CSMD1: variants seen among roughly 807,000 people sequenced by gnomAD.
The protein encoded by CSMD1 is CUB and sushi domain-containing protein 1.
Under a neutral mutation model 417.5 loss-of-function variants are expected in CSMD1, and 213 were observed. The ratio of observed to expected loss-of-function variants is 0.51; its 90% CI spans 0.46 to 0.57. The LOEUF (loss-of-function observed/expected upper bound fraction) is 0.57. Ranked by LOEUF, CSMD1 falls within the 20% of genes least tolerant of loss-of-function variation. The probability of loss-of-function intolerance (pLI) is 0.00; values close to 1 mark genes in which losing one functional copy is unlikely to be tolerated. For synonymous variants in CSMD1, 2,862 were observed against 1,736.8 expected, an observed-to-expected ratio of 1.65 and a Z score of -16.11; for missense variants, 6,923 against 4,529.7, an observed-to-expected ratio of 1.53 and a Z score of -15.17.
At chr8:4,882,696 T>C (rs1033678946) in intron 1 of CSMD1, among the ~76,000 whole-genome samples, 3 of 152,000 alleles carry the variant, frequency 2.0e-5, no homozygotes, top group Admixed American at 1.3e-4. Context: ...TGCCGTTTAT[T>C]TCCTCTGGGA....
chr8:3,405,914 G>T, intron 15 of CSMD1, 113 bp downstream of exon 15: 1 of 933,160 alleles, frequency 1.1e-6, no homozygotes, highest in South Asian at 1.7e-5. Context: ...ACTGTGTGTG[G>T]TATTTTGTTA....
At chr8:3,562,247 C>A (rs1281655030) in intron 10 of CSMD1, among the ~76,000 whole-genome samples, 2 of 152,076 alleles carry the variant, frequency 1.3e-5, no homozygotes, top group Non-Finnish European at 2.9e-5. Flanking sequence ...GTTAAAGGAA[C>A]TCTAGTGGCA....
intron 51 of CSMD1, among the ~76,000 whole-genome samples, chr8:3,028,198 T>C (rs1252642261): frequency 6.6e-6 from 1 of 152,216 alleles, no homozygotes; most frequent in Non-Finnish European, 1.5e-5. Context: ...AAGATGATGT[T>C]GGCGGGAAGA....
Position 3,157,881 on chromosome 8 carries a change from G to A in CSMD1, c.5914+16C>T, listed in dbSNP as rs919591365. On this transcript the variant is annotated intron_variant, in intron 39 of 69. Transcript: ENST00000635120. Reference sequence around the variant, plus strand: ...GTGTGTGCGCAGCAGCAGAGTTACAGAAGGTGCATCCTTACCAATGCACAG... The same window carrying A: ...GTGTGTGCGCAGCAGCAGAGTTACAAAAGGTGCATCCTTACCAATGCACAG... The A allele has an allele frequency of 1.4e-5, 21 of 1,546,202 alleles. No individual in the cohort carries two copies. Among genetic ancestry groups the A allele is most frequent in the African/African-American group, 6.9e-5 (5 of 72,954 alleles).
intron 7 of CSMD1, among the ~76,000 whole-genome samples, chr8:3,626,073 G>A (rs1457008772): frequency 6.6e-6 from 1 of 152,160 alleles, no homozygotes; most frequent in Admixed American, 6.5e-5. Flanking sequence ...ATAAGAGCCT[G>A]GAGAATCGTC....
intron 3 of CSMD1, among the ~76,000 whole-genome samples, chr8:4,118,206 T>G (rs933267592): frequency 1.3e-5 from 2 of 152,058 alleles, no homozygotes; most frequent in Admixed American, 1.3e-4. Flanking sequence ...CTATTAATAT[T>G]AAAAACTAAA....
At chr8:3,388,893 G>GCA (rs1811171068) in intron 17 of CSMD1, among the ~76,000 whole-genome samples, 1 of 92,968 alleles carries the variant, frequency 1.1e-5, no homozygotes, top group East Asian at 3.0e-4. Context: ...CCACACACAT[G>GCA]CATACACACA....
At chr8:4,344,156 G>C (rs1054016189) in intron 3 of CSMD1, among the ~76,000 whole-genome samples, 11 of 152,078 alleles carry the variant, frequency 7.2e-5, no homozygotes, top group African/African-American at 2.7e-4. Flanking sequence ...GAAATGCCTT[G>C]TTAATCTGCT....
chr8:3,616,774 C>T lies in CSMD1; in HGVS notation c.1033G>A (p.Val345Ile), dbSNP rs1463231612. ...CCAGGATCTGGACACATGTCAGAGA[C>T]CAATGCAACACCTCCTTGGCTCACT... ...SVLSQGGVAL[V>I]SDMCPDPGIP... Residue 345 changes from valine to isoleucine, a missense_variant, in exon 8 of 70, where the codon GTC becomes ATC. Val to Ile is a conservative substitution (Grantham distance 29). Coordinates refer to ENST00000635120, the MANE Select transcript of CSMD1 (RefSeq NM_033225.6). 2 of 1,611,976 alleles carry T rather than the reference C, an allele frequency of 1.2e-6. No individual in the cohort carries two copies. Among genetic ancestry groups the T allele is most frequent in the East Asian group, 2.2e-5 (1 of 44,800 alleles).
At chr8:4,345,193 T>A (rs1584932507) in intron 3 of CSMD1, among the ~76,000 whole-genome samples, 1 of 152,268 alleles carries the variant, frequency 6.6e-6, no homozygotes, top group East Asian at 1.9e-4. Context: ...AGACATCGCA[T>A]TGATGACCAA....
At chr8:4,177,305 C>T (rs1040402464) in intron 3 of CSMD1, among the ~76,000 whole-genome samples, 1 of 152,072 alleles carries the variant, frequency 6.6e-6, no homozygotes, top group African/African-American at 2.4e-5. Context: ...TACATGGAAA[C>T]TGAACAACCT....
At chr8:4,079,964 A>T (rs1383973048) in intron 3 of CSMD1, among the ~76,000 whole-genome samples, 1 of 152,000 alleles carries the variant, frequency 6.6e-6, no homozygotes, top group Non-Finnish European at 1.5e-5. Context: ...AATATAAAAA[A>T]TAATTTAAAG....
intron 5 of CSMD1, among the ~76,000 whole-genome samples, chr8:3,832,708 A>C (rs57441709): frequency 6.6e-6 from 1 of 152,192 alleles, no homozygotes; most frequent in Non-Finnish European, 1.5e-5. Flanking sequence ...TTTCAGAACG[A>C]AACAAAAATA....
In CSMD1 at chr8:4,224,770, T is replaced by C. The variant is rs1801245283; in HGVS notation, c.416-192671A>G. On this transcript the variant is annotated intron_variant, in intron 3 of 69. Coordinates refer to ENST00000635120, the MANE Select transcript of CSMD1 (RefSeq NM_033225.6). ...TCCCCATAGTATTAACCTGTAGTAC[T>C]CAAAACTCTTAAAATGTTAAAATGT... Among the ~76,000 whole-genome samples the C allele has an allele frequency of 2.0e-5, 3 of 152,318 alleles. 1 individual carries two copies. The highest frequency in any genetic ancestry group is 3.4e-3 in the Middle Eastern group (1 of 294).
chr8:3,570,584 C>T (rs531491781), intron 10 of CSMD1, among the ~76,000 whole-genome samples: 1 of 152,102 alleles, frequency 6.6e-6, no homozygotes, highest in Non-Finnish European at 1.5e-5. Flanking sequence ...AAATGTCAAA[C>T]ACCTGAGCTG....
chr8:3,774,237 G>A (rs1798777676), intron 5 of CSMD1, among the ~76,000 whole-genome samples: 1 of 152,066 alleles, frequency 6.6e-6, no homozygotes, highest in Non-Finnish European at 1.5e-5. Flanking sequence ...TGGCTCAAAT[G>A]CCACTTGCTC....
intron 7 of CSMD1, among the ~76,000 whole-genome samples, chr8:3,673,702 G>A (rs1799210093): frequency 6.6e-6 from 1 of 152,178 alleles, no homozygotes; most frequent in African/African-American, 2.4e-5. Flanking sequence ...CAGCTGGCTT[G>A]CTGCATGATA....
intron 2 of CSMD1, among the ~76,000 whole-genome samples, chr8:4,552,589 T>C (rs1280558944): frequency 1.3e-5 from 2 of 151,936 alleles, no homozygotes; most frequent in Non-Finnish European, 2.9e-5. Context: ...TCTCCTGAAA[T>C]GGACTTCTGG....
intron 3 of CSMD1, among the ~76,000 whole-genome samples, chr8:4,241,022 C>G (rs1197848246): frequency 1.3e-5 from 2 of 152,160 alleles, no homozygotes; most frequent in Non-Finnish European, 2.9e-5. Context: ...ATCTGACTGA[C>G]TAGTGTTATT....
Sources: gnomAD v4.1 joint callset for allele counts (sites outside exome capture counted in the v4.1 genomes callset) on GRCh38, gnomAD v4.1.1 for gene constraint, MANE v1.5 for transcripts, NCBI Gene and HGNC (gene_info 2026-07-23, HGNC 2026-07-21) for gene names.